The following SPAST variants were observed in gnomAD, a reference collection of about 807,000 sequenced individuals.
SPAST encodes the protein spastin.
A neutral mutation model predicts 76.6 loss-of-function variants in SPAST; 30 were observed. The ratio of observed to expected loss-of-function variants is 0.39; its 90% CI spans 0.29 to 0.53. SPAST has a LOEUF of 0.53. Ranked by LOEUF, SPAST falls within the 20% of genes least tolerant of loss-of-function variation. The probability of loss-of-function intolerance (pLI) is 0.68; values close to 1 mark genes in which losing one functional copy is unlikely to be tolerated. For synonymous variants in SPAST, 305 were observed against 281.0 expected (o/e 1.09, Z -0.86); for missense variants, 717 against 770.5 (o/e 0.93, Z 0.82).
intron 4 of SPAST, among the ~76,000 whole-genome samples, chr2:32,103,115 A>T (rs967374507): frequency 2.6e-5 from 4 of 152,130 alleles, no homozygotes; most frequent in African/African-American, 9.7e-5. Context: ...TTTGGTTAGT[A>T]GGCTATTAAT....
At chr2:32,136,439 C>G in intron 9 of SPAST, 124 bp from the exon 10 acceptor site, 2 of 769,216 alleles carry the variant, frequency 2.6e-6, no homozygotes, top group South Asian at 1.5e-5. Flanking sequence ...TTTCTCAAAC[C>G]AAATCTTTGG....
intron 8 of SPAST, chr2:32,128,138 G>A: frequency 2.6e-6 from 1 of 389,752 alleles, no homozygotes; most frequent in South Asian, 2.3e-5. Context: ...GGGATTACAG[G>A]CATGCGCCAC....
chr2:32,123,006 A>C (rs1679067993), intron 7 of SPAST, among the ~76,000 whole-genome samples: 1 of 152,192 alleles, frequency 6.6e-6, no homozygotes. Context: ...TCACACCTGT[A>C]ATCCCAGCAC....
At chr2:32,109,792 A>T (rs557939140) in intron 4 of SPAST, among the ~76,000 whole-genome samples, 1 of 148,452 alleles carries the variant, frequency 6.7e-6, no homozygotes, top group East Asian at 2.0e-4. Context: ...ACATACATAT[A>T]TAGTTACATA....
intron 1 of SPAST, 68 bp downstream of exon 1, chr2:32,064,314 C>A: frequency 7.8e-7 from 1 of 1,283,198 alleles, no homozygotes; most frequent in Non-Finnish European, 1.1e-6. Flanking sequence ...CGGGGGAGGG[C>A]AACACCTGCG....
chr2:32,106,167 C>A (rs974806981), intron 4 of SPAST, among the ~76,000 whole-genome samples: 1 of 152,166 alleles, frequency 6.6e-6, no homozygotes, highest in Non-Finnish European at 1.5e-5. Context: ...ATGGCAGATG[C>A]CCCCGCCTCC....
At position 32,063,920 on chromosome 2, in the gene SPAST, C is replaced by T. The variant is rs781516235; in HGVS notation, c.89C>T (p.Ala30Val). 22 of 1,588,322 alleles carry T rather than the reference C, an allele frequency of 1.4e-5. No homozygotes were observed. Among genetic ancestry groups the T allele is most frequent in the Admixed American group, 7.1e-5 (4 of 56,442 alleles). The change falls in exon 1 of 17, where the codon GCC (alanine) becomes GTC (valine). Residue 30 changes from alanine (A) to valine (V), a missense_variant. Physicochemically the swap from Ala to Val is moderately conservative, Grantham distance 64 (BLOSUM62 0). Coordinates refer to ENST00000315285, the MANE Select transcript of SPAST (RefSeq NM_014946.4). ...VPPRPPPPCL[A>V]PAPPAAGPAP... ...CCCAGGCCTCCGCCCCCTTGCCTGG[C>T]CCCCGCCCCTCCCGCCGCCGGGCCG...
intron 3 of SPAST, among the ~76,000 whole-genome samples, chr2:32,092,395 C>T (rs1484122307): frequency 6.6e-6 from 1 of 152,026 alleles, no homozygotes; most frequent in Non-Finnish European, 1.5e-5. Context: ...ATATATCATA[C>T]AGAATAAATT....
At chr2:32,088,533 A>T (rs921775563) in intron 2 of SPAST, among the ~76,000 whole-genome samples, 6 of 152,308 alleles carry the variant, frequency 3.9e-5, no homozygotes, top group Admixed American at 3.9e-4. Context: ...AATTGCAGCT[A>T]CTTGGGAGGC....
chr2:32,105,464 C>T (rs573945334), intron 4 of SPAST, among the ~76,000 whole-genome samples: 69 of 152,292 alleles, frequency 4.5e-4, no homozygotes, highest in Middle Eastern at 6.8e-3. Flanking sequence ...GTCAGCTTGT[C>T]AAAGTCTTTC....
Position 32,155,917 on chromosome 2 carries a change from C to T in SPAST, c.*1421C>T, listed in dbSNP as rs1266391921. On this transcript the variant is annotated 3_prime_UTR_variant, in exon 17 of 17. Transcript: ENST00000315285. ...AGATTTCTTAGGTTTTGAAAGAATACATTAAAATAAAAAACTTGCCCCTAC... is the reference window on the plus strand; with the variant it reads ...AGATTTCTTAGGTTTTGAAAGAATATATTAAAATAAAAAACTTGCCCCTAC... The T allele has an allele frequency of 2.0e-5, 3 of 152,322 alleles. No homozygotes were observed. Among genetic ancestry groups the T allele is most frequent in the Non-Finnish European group, 4.4e-5 (3 of 67,994 alleles). The allele number at this position is 152,322 out of a possible 1,614,324, so 9.4% of individuals were successfully genotyped here.
chr2:32,067,748 A>C (rs1676580039), intron 1 of SPAST, among the ~76,000 whole-genome samples: 1 of 136,156 alleles, frequency 7.3e-6, no homozygotes, highest in Admixed American at 7.8e-5. Context: ...TCCTAGGCTT[A>C]AGTGATCCTC....
chr2:32,142,156 G>A (rs1300999840), intron 13 of SPAST, among the ~76,000 whole-genome samples: 2 of 152,088 alleles, frequency 1.3e-5, no homozygotes, highest in Non-Finnish European at 2.9e-5. Context: ...TCCACACAAA[G>A]ACTTGTACAA....
In SPAST at chr2:32,147,242, A is replaced by C. The variant is rs1460823165; in HGVS notation, c.1712A>C (p.Asn571Thr). The C allele has an allele frequency of 6.2e-7, 1 of 1,607,186 alleles. No individual in the cohort carries two copies. The highest frequency in any genetic ancestry group is 8.5e-7 in the Non-Finnish European group (1 of 1,174,098). Reference protein sequence around the residue: ...IRELKPEQVKNMSASEMRNIR... With the variant: ...IRELKPEQVKTMSASEMRNIR... ...GAACTAAAACCAGAACAGGTGAAGAATATGTCTGCCAGTGAGGTATAGTAT... is the reference window on the plus strand; with the variant it reads ...GAACTAAAACCAGAACAGGTGAAGACTATGTCTGCCAGTGAGGTATAGTAT... Residue 571 changes from asparagine (N) to threonine (T), a missense_variant, in exon 16 of 17, where the codon AAT (asparagine) becomes ACT (threonine). Coordinates refer to ENST00000315285, the MANE Select transcript of SPAST (RefSeq NM_014946.4).
intron 7 of SPAST, among the ~76,000 whole-genome samples, chr2:32,125,380 C>T (rs1252636817): frequency 1.2e-4 from 18 of 152,140 alleles, no homozygotes; most frequent in African/African-American, 2.9e-4. Flanking sequence ...TGTGCCACCA[C>T]GCCCAGCTAA....
chr2:32,148,312 T>A (rs533338289), intron 16 of SPAST, among the ~76,000 whole-genome samples: 1 of 152,266 alleles, frequency 6.6e-6, no homozygotes, highest in East Asian at 1.9e-4. Context: ...TTTTTTTTGG[T>A]AATAGACAAA....
chr2:32,102,486 G>C (rs1202570520), intron 4 of SPAST, among the ~76,000 whole-genome samples: 1 of 152,116 alleles, frequency 6.6e-6, no homozygotes, highest in African/African-American at 2.4e-5. Flanking sequence ...GATTGCCCTG[G>C]CCAGAACTTC....
chr2:32,113,755 C>T (rs1443763228), intron 4 of SPAST, among the ~76,000 whole-genome samples: 2 of 148,920 alleles, frequency 1.3e-5, no homozygotes, highest in Non-Finnish European at 3.0e-5. Context: ...TTAGCAGAGA[C>T]GAGGTTTCAC....
At chr2:32,132,827 C>A (rs1679414938) in intron 9 of SPAST, among the ~76,000 whole-genome samples, 1 of 152,076 alleles carries the variant, frequency 6.6e-6, no homozygotes, top group African/African-American at 2.4e-5. Flanking sequence ...GGAGAAACCC[C>A]ATGTTTCTCT....
Sources: gnomAD v4.1 joint callset for allele counts (sites outside exome capture counted in the v4.1 genomes callset) on GRCh38, gnomAD v4.1.1 for gene constraint, MANE v1.5 for transcripts, NCBI Gene and HGNC (gene_info 2026-07-23, HGNC 2026-07-21) for gene names.